TLK2: variants seen among roughly 807,000 people sequenced by gnomAD.
The protein encoded by TLK2 is serine/threonine-protein kinase tousled-like 2.
Under a neutral mutation model 117.3 loss-of-function variants are expected in TLK2, and 6 were observed. The ratio of observed to expected loss-of-function variants is 0.05; its 90% CI spans 0.03 to 0.10. The LOEUF (loss-of-function observed/expected upper bound fraction) is 0.10. Among genes scored for constraint, TLK2 ranks in the 10% least tolerant of loss-of-function variants. The pLI is 1.00. For missense variants in TLK2, 299 were observed against 901.2 expected (o/e 0.33, Z 8.56); for synonymous variants, 257 against 316.7 (o/e 0.81, Z 2.00).
intron 21 of TLK2, among the ~76,000 whole-genome samples, chr17:62,610,513 G>A (rs1015751406): frequency 3.9e-5 from 6 of 152,370 alleles, no homozygotes; most frequent in South Asian, 4.1e-4. Context: ...AGAGTAGGGG[G>A]ATGAGGAGGT....
At chr17:62,545,089 C>T (rs56293507) in intron 7 of TLK2, among the ~76,000 whole-genome samples, 3 of 151,952 alleles carry the variant, frequency 2.0e-5, no homozygotes, top group Non-Finnish European at 4.4e-5. Context: ...TGCAGTGGTG[C>T]GATCTCAGCT....
intron 16 of TLK2, among the ~76,000 whole-genome samples, chr17:62,590,514 G>A (rs995805695): frequency 9.2e-5 from 14 of 152,216 alleles, no homozygotes; most frequent in African/African-American, 3.4e-4. Flanking sequence ...ATTTAAAAAT[G>A]CAAGTGTGCT....
chr17:62,588,059 CGTATACATCTGTATATGTATAAAATAT>C (rs2081774713), intron 16 of TLK2, among the ~76,000 whole-genome samples: 1 of 130,172 alleles, frequency 7.7e-6, no homozygotes, highest in Non-Finnish European at 1.6e-5. Flanking sequence ...ATAAAATATA[CGTATACATCTGTATATGTATAAAATAT>C]ACGTATACAT....
intron 14 of TLK2, among the ~76,000 whole-genome samples, chr17:62,579,495 G>A (rs2081057228): frequency 6.6e-6 from 1 of 152,180 alleles, no homozygotes; most frequent in East Asian, 1.9e-4. Context: ...AGAATTAATA[G>A]TGAGATTGTT....
intron 6 of TLK2, 57 bp downstream of exon 6, chr17:62,524,388 A>G: frequency 6.5e-7 from 1 of 1,532,078 alleles, no homozygotes; most frequent in Non-Finnish European, 8.8e-7. Context: ...ATGCCCAGAA[A>G]CACTCAAGCA....
In TLK2 at chr17:62,574,342, T is replaced by C. The variant is rs1264329050; in HGVS notation, c.1121+975T>C. ...TTTATGTTAAATGCTTATTTTATGC[T>C]AGGCCCTCTTCTGGGAATACAGAGC... On this transcript the variant is annotated intron_variant, in intron 12 of 21. Coordinates refer to ENST00000346027, the MANE Select transcript of TLK2 (RefSeq NM_006852.6). 10 of 1,544,282 alleles carry C rather than the reference T, an allele frequency of 6.5e-6. No homozygotes were observed. The South Asian group carries it at 1.2e-4, about 18-fold the overall frequency.
chr17:62,600,143 A>G (rs1039193024), intron 17 of TLK2: 1 of 152,520 alleles, frequency 6.6e-6, no homozygotes, highest in South Asian at 2.1e-4. Flanking sequence ...ACTCATTGCC[A>G]GCACTCAGGG....
At chr17:62,492,203 C>T (rs1050205074) in intron 2 of TLK2, among the ~76,000 whole-genome samples, 1 of 152,114 alleles carries the variant, frequency 6.6e-6, no homozygotes, top group Non-Finnish European at 1.5e-5. Context: ...AGGATAAAAT[C>T]TGCCAAAATT....
At chr17:62,602,405 G>A (rs2147189436) in intron 19 of TLK2, among the ~76,000 whole-genome samples, 1 of 152,276 alleles carries the variant, frequency 6.6e-6, no homozygotes, top group South Asian at 2.1e-4. Context: ...CCTTAAGAAA[G>A]AGAGCTTATA....
chr17:62,599,417 C>T (rs1008023431), intron 17 of TLK2, among the ~76,000 whole-genome samples: 47 of 152,166 alleles, frequency 3.1e-4, no homozygotes, highest in Admixed American at 2.8e-3. Context: ...TTCTGTTCCT[C>T]GCCCTTTCGC....
intron 17 of TLK2, among the ~76,000 whole-genome samples, chr17:62,598,489 G>A (rs927609848): frequency 6.6e-6 from 1 of 151,974 alleles, no homozygotes; most frequent in African/African-American, 2.4e-5. Flanking sequence ...TTAAAAGTGA[G>A]GCTTTATTTT....
intron 12 of TLK2, among the ~76,000 whole-genome samples, chr17:62,574,764 C>T (rs1030826295): frequency 1.3e-5 from 2 of 152,178 alleles, no homozygotes; most frequent in Admixed American, 6.5e-5. Flanking sequence ...GATCCACCCT[C>T]CTCGGCCTCC....
Position 62,536,230 on chromosome 17 carries a change from G to A in TLK2, c.424G>A (p.Glu142Lys). Residue 142 changes from glutamate (E) to lysine (K), a missense_variant, in exon 7 of 22, where the codon GAG becomes AAG. Glu to Lys is a moderately conservative substitution (Grantham distance 56). Around this residue, in one of 4 missense-constraint regions of TLK2, gnomAD observed 105 missense variants for 218.4 expected, o/e 0.48. Coordinates refer to ENST00000346027, the MANE Select transcript of TLK2 (RefSeq NM_006852.6). ...CAGTGCTGCAAAGGAGGCAACGGAG[G>A]AGCAGTCTGCTCTGCCAACCCTCAT... Reference protein sequence around the residue: ...DGSAAKEATEEQSALPTLMSV... With the variant: ...DGSAAKEATEKQSALPTLMSV... 6.2e-7 allele frequency: 1 copy of A among 1,613,050 alleles called. No individual in the cohort carries two copies. Among genetic ancestry groups the A allele is most frequent in the Non-Finnish European group, 8.5e-7 (1 of 1,179,842 alleles).
chr17:62,576,620 A>T, intron 12 of TLK2, 89 bp from the exon 13 acceptor site: 2 of 976,888 alleles, frequency 2.0e-6, no homozygotes, highest in African/African-American at 1.6e-5. Flanking sequence ...GAAACTGAAT[A>T]TGTCTTATAG....
intron 9 of TLK2, among the ~76,000 whole-genome samples, chr17:62,554,674 G>A (rs143557643): frequency 1.3e-5 from 2 of 152,038 alleles, no homozygotes; most frequent in Admixed American, 6.6e-5. Flanking sequence ...TGAGATCAGG[G>A]GTTTGAGACC....
Position 62,587,518 on chromosome 17 carries a change from A to C in TLK2, c.1460+1292A>C, listed in dbSNP as rs564214239. ...TTGGCTTCTAGCCTGGTCCAAGGCA[A>C]CTCTTGCTCTATACCTCTTGTTCAT... On this transcript the variant is annotated intron_variant, in intron 16 of 21. Coordinates refer to ENST00000346027, the MANE Select transcript of TLK2 (RefSeq NM_006852.6). Among the ~76,000 whole-genome samples the C allele has an allele frequency of 5.3e-5, 8 of 152,192 alleles. No homozygotes were observed. In the South Asian group the frequency reaches 1.5e-3, roughly 28 times the overall value.
intron 2 of TLK2, among the ~76,000 whole-genome samples, chr17:62,513,621 C>T (rs534933152): frequency 6.6e-4 from 101 of 152,092 alleles, no homozygotes; most frequent in South Asian, 1.2e-3. Flanking sequence ...CAGGGGTGAA[C>T]CCTATTAAAT....
At chr17:62,496,789 A>G (rs1462925471) in intron 2 of TLK2, among the ~76,000 whole-genome samples, 3 of 151,882 alleles carry the variant, frequency 2.0e-5, no homozygotes, top group African/African-American at 4.8e-5. Flanking sequence ...CCCCGTCTCT[A>G]CTAAAAGTAC....
intron 7 of TLK2, among the ~76,000 whole-genome samples, chr17:62,545,484 G>C (rs2077838676): frequency 6.6e-6 from 1 of 152,060 alleles, no homozygotes; most frequent in Non-Finnish European, 1.5e-5. Flanking sequence ...AGGCATGGTG[G>C]TGTGCACCTG....
Sources: allele counts gnomAD v4.1 joint callset (sites outside exome capture counted in the v4.1 genomes callset), GRCh38; gene constraint gnomAD v4.1.1; regional missense constraint gnomAD v4.1.1; transcripts MANE v1.5; gene names NCBI Gene and HGNC (gene_info 2026-07-23, HGNC 2026-07-21).